TIA1: variants seen among roughly 807,000 people sequenced by gnomAD.
TIA1 encodes the protein cytotoxic granule associated RNA binding protein TIA1.
TIA1 carries 23 observed loss-of-function variants against 65.9 expected under a neutral mutation model. That is an observed-to-expected ratio of 0.35 (90% CI 0.25 to 0.49). The LOEUF is 0.49. Among genes scored for constraint, TIA1 ranks in the 20% least tolerant of loss-of-function variants. TIA1 has a pLI of 0.98. For synonymous variants in TIA1, 147 were observed against 149.4 expected, an observed-to-expected ratio of 0.98 and a Z score of 0.12; for missense variants, 371 against 477.9, an observed-to-expected ratio of 0.78 and a Z score of 2.09.
chr2:70,228,265 T>A, intron 5 of TIA1: 1 of 1,164,154 alleles, frequency 8.6e-7, no homozygotes, highest in African/African-American at 1.6e-5. Context: ...TTTGCCTCAG[T>A]TAACACAATT....
At chr2:70,221,136 A>G (rs538160742) in intron 7 of TIA1, among the ~76,000 whole-genome samples, 4 of 152,070 alleles carry the variant, frequency 2.6e-5, no homozygotes, top group Non-Finnish European at 5.9e-5. Context: ...CCTCCTGAGT[A>G]GCCGTGATTA....
intron 12 of TIA1, among the ~76,000 whole-genome samples, chr2:70,213,624 T>C (rs1398678051): frequency 6.6e-6 from 1 of 151,220 alleles, no homozygotes; most frequent in African/African-American, 2.4e-5. Flanking sequence ...GCTAGGATTA[T>C]AGGCATGAGC....
Position 70,217,369 on chromosome 2 carries a change from G to A in TIA1, c.475-375C>T, listed in dbSNP as rs11889879. Reference sequence around the variant, plus strand: ...GTATTTGTAGTAGAGATGGGGTTTCGCCATATTGGCCAGGCTGGTCTCGAA... The same window carrying A: ...GTATTTGTAGTAGAGATGGGGTTTCACCATATTGGCCAGGCTGGTCTCGAA... On this transcript the variant is annotated intron_variant, in intron 7 of 12. Transcript: ENST00000433529. 2.0e-3 allele frequency among the ~76,000 whole-genome samples: 301 copies of A among 150,230 alleles called. 1 individual carries two copies. Among genetic ancestry groups the A allele is most frequent in the African/African-American group, 6.9e-3 (282 of 40,878 alleles).
chr2:70,235,246 T>G (rs1044112902), intron 2 of TIA1, among the ~76,000 whole-genome samples: 12 of 152,010 alleles, frequency 7.9e-5, no homozygotes, highest in Admixed American at 2.6e-4. Context: ...AGAAACCCCA[T>G]CTCTACTAAG....
intron 6 of TIA1, chr2:70,224,909 G>A (rs1683147815): frequency 2.6e-6 from 3 of 1,145,692 alleles, no homozygotes; most frequent in Non-Finnish European, 3.2e-6. Flanking sequence ...TAAGCATGGT[G>A]AAAGCAGCTA....
At chr2:70,232,540 CAAAAAAA>C (rs70956955) in intron 2 of TIA1, among the ~76,000 whole-genome samples, 1 of 40,268 alleles carries the variant, frequency 2.5e-5, no homozygotes, top group Non-Finnish European at 4.4e-5. Context: ...AACTCTGTCT[CAAAAAAA>C]AAAAAAAAAA....
Position 70,230,835 on chromosome 2 carries a change from T to C in TIA1, c.143A>G (p.Tyr48Cys), listed in dbSNP as rs370430518. The C allele has an allele frequency of 5.0e-6, 8 of 1,611,348 alleles. No homozygotes were observed. The highest frequency in any genetic ancestry group is 4.5e-5 in the East Asian group (2 of 44,750). Reference sequence around the variant, plus strand: ...ATGCTCATGAAACTCCACAAAACAATAGGGATCATTTCCAGCTGTCTGTGG... The same window carrying C: ...ATGCTCATGAAACTCCACAAAACAACAGGGATCATTTCCAGCTGTCTGTGG... The part of the protein sequence containing the change: ...MIMDTAGNDP[Y>C]CFVEFHEHRH... Residue 48 changes from tyrosine to cysteine, a missense_variant, in exon 3 of 13, where the codon TAT (tyrosine) becomes TGT (cysteine). Tyr to Cys is a radical substitution (Grantham distance 194). Transcript: ENST00000433529.
chr2:70,237,870 G>GA (rs369083075), intron 1 of TIA1, among the ~76,000 whole-genome samples: 2,056 of 141,488 alleles, frequency 0.015, 51 homozygotes, highest in African/African-American at 0.051. Flanking sequence ...TCTTTAAAAA[G>GA]AAAAAAAAAG....
At chr2:70,228,921 A>G in intron 5 of TIA1, 138 bp downstream of exon 5, 1 of 1,462,916 alleles carries the variant, frequency 6.8e-7, no homozygotes, top group Non-Finnish European at 9.1e-7. Flanking sequence ...GAGAAGGGAG[A>G]AAAGTATTGC....
intron 6 of TIA1, among the ~76,000 whole-genome samples, chr2:70,227,370 G>T (rs1684271013): frequency 6.6e-6 from 1 of 152,062 alleles, no homozygotes; most frequent in African/African-American, 2.4e-5. Context: ...AACACAAAAT[G>T]CATGGTATCA....
intron 1 of TIA1, among the ~76,000 whole-genome samples, chr2:70,239,131 C>T (rs964160234): frequency 1.1e-4 from 17 of 152,272 alleles, no homozygotes; most frequent in Middle Eastern, 3.4e-3. Flanking sequence ...CTTGCTCTGT[C>T]GCCCAGGCTG....
intron 1 of TIA1, among the ~76,000 whole-genome samples, chr2:70,241,590 G>GT (rs145836538): frequency 0.031 from 4,772 of 152,164 alleles, 264 homozygotes; most frequent in African/African-American, 0.11. Flanking sequence ...AACCAACAGA[G>GT]TAAGTTAAGA....
At position 70,236,169 on chromosome 2, in the gene TIA1, G is replaced by A. The variant is rs761527779; in HGVS notation, c.33C>T (p.Val11=). 80 of 1,600,688 alleles carry A rather than the reference G, an allele frequency of 5.0e-5. No individual in the cohort carries two copies. Among genetic ancestry groups the A allele is most frequent in the East Asian group, 1.8e-4 (8 of 44,790 alleles). MEDEMPKTLY[V]GNLSRDVTEA... is the part of the protein sequence containing the mutation. ...CTGTCACATCTCTGGAAAGGTTACC[G>A]ACGTATCTGAAACACAAAGAGAAAC... The change falls in exon 2 of 13, where the codon GTC becomes GTT. Residue 11 remains valine (V), a synonymous_variant. Transcript: ENST00000433529.
rs1029226948 is a variant in TIA1, at chr2:70,218,748, G to C, written c.475-1754C>G. ...GCACCCGGCAAGAAGGCCATTCTTA[G>C]CGCTAAGAGGAGAATGGCTTAGGAT... is the stretch of plus-strand genomic sequence containing the variant. On this transcript the variant is annotated intron_variant, in intron 7 of 12. Transcript: ENST00000433529. Among the ~76,000 whole-genome samples, 6 of 152,348 alleles carry C rather than the reference G, an allele frequency of 3.9e-5. No individual in the cohort carries two copies. In the Middle Eastern group the frequency reaches 0.014, roughly 345 times the overall value.
In TIA1 at chr2:70,232,196, G is replaced by A. The variant is rs1309705689; in HGVS notation, c.124-1342C>T. ...TGCACTCCAGCCTGGGCGACAGAGC[G>A]AGACTCTGTCTCAAAAAAAAAAAAA... On this transcript the variant is annotated intron_variant, in intron 2 of 12. Coordinates refer to ENST00000433529, the MANE Select transcript of TIA1 (RefSeq NM_022173.4). Among the ~76,000 whole-genome samples, 4 of 120,502 alleles carry A rather than the reference G, an allele frequency of 3.3e-5. No individual in the cohort carries two copies. In the East Asian group the frequency reaches 7.5e-4, roughly 23 times the overall value. 79.1% of individuals were successfully genotyped at this position (120,502 alleles called of 152,430 possible).
At chr2:70,244,616 G>C (rs1189387655) in intron 1 of TIA1, among the ~76,000 whole-genome samples, 1 of 151,718 alleles carries the variant, frequency 6.6e-6, no homozygotes. Context: ...CAGGCGGATC[G>C]CGAGGTCAGG....
At chr2:70,220,963 C>T (rs1238623541) in intron 7 of TIA1, among the ~76,000 whole-genome samples, 2 of 151,464 alleles carry the variant, frequency 1.3e-5, no homozygotes, top group African/African-American at 4.9e-5. Flanking sequence ...GCCAGGAGTT[C>T]GAGGCCAGAC....
At position 70,215,433 on chromosome 2, in the gene TIA1, C is replaced by T; in HGVS notation, c.826G>A (p.Gly276Ser). The T allele has an allele frequency of 6.2e-7, 1 of 1,613,882 alleles. No homozygotes were observed. Among genetic ancestry groups the T allele is most frequent in the South Asian group, 1.1e-5 (1 of 91,074 alleles). Reference sequence around the variant, plus strand: ...CCCCAATAGCATTTCACAACATGACCTTCAATGGTAGTACCATTAACAGAA... The same window carrying T: ...CCCCAATAGCATTTCACAACATGACTTTCAATGGTAGTACCATTAACAGAA... ...IVSVNGTTIEGHVVKCYWGKE... is the reference protein window; with the variant it reads ...IVSVNGTTIESHVVKCYWGKE... Residue 276 changes from glycine to serine, a missense_variant, in exon 11 of 13, where the codon GGT becomes AGT. Coordinates refer to ENST00000433529, the MANE Select transcript of TIA1 (RefSeq NM_022173.4).
chr2:70,235,447 C>T (rs1207377716), intron 2 of TIA1, among the ~76,000 whole-genome samples: 1 of 151,860 alleles, frequency 6.6e-6, no homozygotes, highest in Non-Finnish European at 1.5e-5. Context: ...TCCCCCCAAC[C>T]AGGAGACAAA....
Sources: allele counts gnomAD v4.1 joint callset (sites outside exome capture counted in the v4.1 genomes callset), GRCh38; gene constraint gnomAD v4.1.1; transcripts MANE v1.5; gene names NCBI Gene and HGNC (gene_info 2026-07-23, HGNC 2026-07-21).